Variants in ZNF492 observed in about 807,000 individuals in gnomAD.
ZNF492 encodes zinc finger protein 492.
Under a neutral mutation model 6.4 loss-of-function variants are expected in ZNF492, and 3 were observed. The ratio of observed to expected loss-of-function variants is 0.47; its 90% confidence interval spans 0.21 to 1.22. The LOEUF (loss-of-function observed/expected upper bound fraction) is 1.22, where lower values mean the gene tolerates loss of function less well. Among genes scored for constraint, ZNF492 ranks in the 50% most tolerant of loss-of-function variants. The pLI is 0.22. For synonymous variants in ZNF492, 112 were observed against 205.3 expected, an observed-to-expected ratio of 0.55 and a Z score of 3.89; for missense variants, 356 against 612.5, an observed-to-expected ratio of 0.58 and a Z score of 4.42.
chr19:22,645,378 T>TC (rs2084393593), intron 1 of ZNF492, among the ~76,000 whole-genome samples: 2 of 152,164 alleles, frequency 1.3e-5, no homozygotes. Context: ...TTGTTTTTTT[T>TC]CTTGTAAATT....
At position 22,667,038 on chromosome 19, in the gene ZNF492, G is replaced by C. The variant is rs1486045536; in HGVS notation, c.*1773G>C. On this transcript the variant is annotated 3_prime_UTR_variant, in exon 4 of 4. Transcript: ENST00000456783. ...GAGGTCGGGAGTTCAAGACCAGCCT[G>C]ACCAACATGGAGAAACGCCATCTCT... 1 of 152,146 alleles carries C rather than the reference G, an allele frequency of 6.6e-6. No homozygotes were observed. The highest frequency in any genetic ancestry group is 1.5e-5 in the Non-Finnish European group (1 of 68,054). 9.4% of individuals were successfully genotyped at this position (152,146 alleles called of 1,614,324 possible).
intron 1 of ZNF492, among the ~76,000 whole-genome samples, chr19:22,642,105 G>T (rs1182221668): frequency 1.3e-5 from 2 of 152,084 alleles, no homozygotes; most frequent in African/African-American, 4.8e-5. Context: ...GCCCCCATCA[G>T]TTTATTATAA....
chr19:22,634,728 C>T (rs1295039729), intron 1 of ZNF492, among the ~76,000 whole-genome samples: 1 of 152,180 alleles, frequency 6.6e-6, no homozygotes, highest in African/African-American at 2.4e-5. Context: ...CTGGGCAGCT[C>T]TGCACCCGCA....
At chr19:22,663,624 T>G (rs1202293784) in intron 3 of ZNF492, among the ~76,000 whole-genome samples, 176 bp from the exon 4 acceptor site, 1 of 152,166 alleles carries the variant, frequency 6.6e-6, no homozygotes, top group Non-Finnish European at 1.5e-5. Flanking sequence ...TTACTTTAAT[T>G]TTTCAGAAAT....
intron 1 of ZNF492, among the ~76,000 whole-genome samples, chr19:22,652,741 G>A (rs1221175731): frequency 6.6e-6 from 1 of 151,906 alleles, no homozygotes; most frequent in Non-Finnish European, 1.5e-5. Flanking sequence ...CTCCACGCCC[G>A]GCTAATTTTT....
At chr19:22,640,962 T>G (rs533300859) in intron 1 of ZNF492, among the ~76,000 whole-genome samples, 17 of 152,182 alleles carry the variant, frequency 1.1e-4, no homozygotes, top group Admixed American at 2.0e-4. Context: ...TAATGTCTCT[T>G]TTGTCATATT....
intron 2 of ZNF492, 141 bp from the exon 3 acceptor site, chr19:22,653,779 A>G (rs1404436074): frequency 5.4e-6 from 4 of 746,108 alleles, no homozygotes; most frequent in Non-Finnish European, 5.9e-6. Flanking sequence ...ATATTTCCTA[A>G]ATATTTAAAA....
chr19:22,659,192 A>AT (rs771420994), intron 3 of ZNF492, among the ~76,000 whole-genome samples: 1 of 150,258 alleles, frequency 6.7e-6, no homozygotes, highest in Non-Finnish European at 1.5e-5. Context: ...AATTTTTCAG[A>AT]TTTTTTTTCT....
At chr19:22,660,458 A>G (rs935349821) in intron 3 of ZNF492, among the ~76,000 whole-genome samples, 1 of 150,866 alleles carries the variant, frequency 6.6e-6, no homozygotes, top group African/African-American at 2.4e-5. Context: ...TAAAACTTCT[A>G]TAAGAAACAA....
At chr19:22,635,024 A>G (rs1025415053) in intron 1 of ZNF492, among the ~76,000 whole-genome samples, 1 of 152,140 alleles carries the variant, frequency 6.6e-6, no homozygotes, top group Non-Finnish European at 1.5e-5. Flanking sequence ...ACCCAAATTC[A>G]ATAATCGGTT....
intron 1 of ZNF492, among the ~76,000 whole-genome samples, chr19:22,641,496 C>T (rs62118771): frequency 0.11 from 16,986 of 152,058 alleles, 1,002 homozygotes; most frequent in Middle Eastern, 0.16. Flanking sequence ...TTTAAATTTG[C>T]TGAGGATTGT....
At chr19:22,660,133 T>G (rs1170874285) in intron 3 of ZNF492, among the ~76,000 whole-genome samples, 1 of 152,124 alleles carries the variant, frequency 6.6e-6, no homozygotes, top group African/African-American at 2.4e-5. Flanking sequence ...TCTTCCATCT[T>G]GCCCCTTTTA....
chr19:22,655,016 G>C (rs1400557227), intron 3 of ZNF492, among the ~76,000 whole-genome samples: 1 of 151,694 alleles, frequency 6.6e-6, no homozygotes, highest in Non-Finnish European at 1.5e-5. Context: ...CTTTCAGCCG[G>C]GCATGGTGGC....
At chr19:22,662,027 G>A (rs868853754) in intron 3 of ZNF492, among the ~76,000 whole-genome samples, 11 of 151,966 alleles carry the variant, frequency 7.2e-5, no homozygotes, top group Non-Finnish European at 1.2e-4. Context: ...TGTGCCCAGC[G>A]TGCAGTTATA....
rs2915938 is a variant in ZNF492 at position 22,657,580 on chromosome 19, A to C, written c.130+3565A>C. On this transcript the variant is annotated intron_variant, in intron 3 of 3. Coordinates refer to ENST00000456783, the MANE Select transcript of ZNF492 (RefSeq NM_020855.3). ...GAGTACACAGTTACAGTAAAATATT[A>C]CAGTTATCTACACAAATTCTTTGTT... is the stretch of plus-strand genomic sequence containing the variant. Among the ~76,000 whole-genome samples the C allele has an allele frequency of 8.8e-3, 1,334 of 151,836 alleles. 15 individuals carry two copies. The highest frequency in any genetic ancestry group is 0.014 in the Non-Finnish European group (929 of 67,754).
chr19:22,636,743 C>T (rs191743793), intron 1 of ZNF492, among the ~76,000 whole-genome samples: 1 of 151,092 alleles, frequency 6.6e-6, no homozygotes, highest in African/African-American at 2.4e-5. Flanking sequence ...AAGCAATTCT[C>T]CTGCCTCAGC....
At chr19:22,655,851 G>A (rs987819720) in intron 3 of ZNF492, among the ~76,000 whole-genome samples, 13 of 118,764 alleles carry the variant, frequency 1.1e-4, no homozygotes, top group South Asian at 2.7e-4. Flanking sequence ...TTGAGACAGC[G>A]TCTCACTCTG....
At chr19:22,653,163 G>A in intron 1 of ZNF492, 144 bp from the exon 2 acceptor site, 1 of 951,084 alleles carries the variant, frequency 1.1e-6, no homozygotes, top group Admixed American at 3.0e-5. Context: ...ATATACTTCT[G>A]TGCTGAAAGT....
chr19:22,644,722 G>A (rs36056222), intron 1 of ZNF492, among the ~76,000 whole-genome samples: 29,480 of 152,038 alleles, frequency 0.19, 3,720 homozygotes, highest in African/African-American at 0.37. Flanking sequence ...AGAATGATTT[G>A]TATTCCTTTG....
Sources: gnomAD v4.1 joint callset for allele counts (sites outside exome capture counted in the v4.1 genomes callset) on GRCh38, gnomAD v4.1.1 for gene constraint, MANE v1.5 for transcripts, NCBI Gene and HGNC (gene_info 2026-07-23, HGNC 2026-07-21) for gene names.